The following PLCXD3 variants were observed in gnomAD, a reference collection of about 807,000 sequenced individuals.
The protein encoded by PLCXD3 is PI-PLC X domain-containing protein 3.
In PLCXD3, 19 loss-of-function variants were observed where a neutral mutation model predicts 25.5. The observed-to-expected ratio is 0.75, with a 90% CI of 0.52 to 1.09. The LOEUF (loss-of-function observed/expected upper bound fraction) is 1.09. PLCXD3 is among the 50% of genes least tolerant of loss of function. The pLI is 0.00. For missense variants in PLCXD3, 411 were observed against 388.1 expected, an observed-to-expected ratio of 1.06 and a Z score of -0.50; for synonymous variants, 174 against 137.6, an observed-to-expected ratio of 1.26 and a Z score of -1.85.
chr5:41,492,347 T>C (rs1382015804), intron 1 of PLCXD3, among the ~76,000 whole-genome samples: 1 of 152,164 alleles, frequency 6.6e-6, no homozygotes, highest in Non-Finnish European at 1.5e-5. Flanking sequence ...ACCCGACCTT[T>C]CTCTCTGGCT....
At chr5:41,386,049 G>A (rs1261184508) in intron 1 of PLCXD3, among the ~76,000 whole-genome samples, 1 of 152,096 alleles carries the variant, frequency 6.6e-6, no homozygotes, top group Admixed American at 6.6e-5. Flanking sequence ...AAATTCAGGG[G>A]TAATTGGTTA....
At chr5:41,424,552 A>T (rs184632940) in intron 1 of PLCXD3, among the ~76,000 whole-genome samples, 7 of 152,324 alleles carry the variant, frequency 4.6e-5, no homozygotes, top group Non-Finnish European at 8.8e-5. Context: ...AAAAAAAAAT[A>T]GGTTGTGAAT....
chr5:41,410,647 T>G lies in PLCXD3; in HGVS notation c.104-28113A>C, dbSNP rs74563602. Among the ~76,000 whole-genome samples the G allele has an allele frequency of 3.9e-3, 599 of 152,278 alleles. 5 individuals are homozygous for G. The highest frequency in any genetic ancestry group is 0.014 in the African/African-American group (579 of 41,548). On this transcript the variant is annotated intron_variant, in intron 1 of 2. Coordinates refer to ENST00000377801, the MANE Select transcript of PLCXD3 (RefSeq NM_001005473.3). ...AGGCCATCTGAAGGAGGCTCAAGTG[T>G]AGGGCACCTCACTTTATGGCCACCT...
chr5:41,392,766 T>G (rs1047743593), intron 1 of PLCXD3, among the ~76,000 whole-genome samples: 1 of 100,936 alleles, frequency 9.9e-6, no homozygotes, highest in Non-Finnish European at 2.4e-5. Flanking sequence ...GCCTTTCAGA[T>G]AGAAAATTCA....
intron 1 of PLCXD3, among the ~76,000 whole-genome samples, chr5:41,489,173 T>A (rs1748591428): frequency 6.6e-6 from 1 of 151,946 alleles, no homozygotes; most frequent in Non-Finnish European, 1.5e-5. Context: ...CCAGCACCAT[T>A]TATTAAATAG....
chr5:41,382,619 C>G, intron 1 of PLCXD3, 85 bp from the exon 2 acceptor site: 8 of 1,058,052 alleles, frequency 7.6e-6, no homozygotes, highest in Non-Finnish European at 1.1e-5. Flanking sequence ...ATCCATACCT[C>G]TCCCTCAAAT....
At position 41,319,324 on chromosome 5, in the gene PLCXD3, C is replaced by T. The variant is rs192267697; in HGVS notation, c.813-5554G>A. On this transcript the variant is annotated intron_variant, in intron 2 of 2. Transcript: ENST00000377801. ...TCAGGATACACATTTTTTTCCTCAG[C>T]GCATGGATCATTCTCAAGGATAGAC... Among the ~76,000 whole-genome samples, 59 of 152,180 alleles carry T rather than the reference C, an allele frequency of 3.9e-4. No individual in the cohort carries two copies. The East Asian group carries it at 7.1e-3, about 18-fold the overall frequency.
intron 1 of PLCXD3, among the ~76,000 whole-genome samples, chr5:41,448,952 C>T (rs1045555180): frequency 1.3e-5 from 2 of 152,176 alleles, no homozygotes; most frequent in African/African-American, 4.8e-5. Context: ...GACCCAAATG[C>T]TAAACATGCA....
intron 1 of PLCXD3, among the ~76,000 whole-genome samples, chr5:41,397,716 C>T (rs1159280607): frequency 6.6e-6 from 1 of 152,200 alleles, no homozygotes; most frequent in Non-Finnish European, 1.5e-5. Context: ...CTTGTGAAAG[C>T]AGCCATGGGG....
intron 2 of PLCXD3, among the ~76,000 whole-genome samples, chr5:41,333,455 G>C (rs915040380): frequency 6.6e-6 from 1 of 152,132 alleles, no homozygotes; most frequent in Admixed American, 6.6e-5. Context: ...AAAAGGCAGG[G>C]TCTTTGCATC....
At chr5:41,443,634 G>C (rs551411404) in intron 1 of PLCXD3, among the ~76,000 whole-genome samples, 2 of 152,312 alleles carry the variant, frequency 1.3e-5, no homozygotes, top group South Asian at 2.1e-4. Context: ...AAAAGAAGGA[G>C]AGACTGTGCT....
intron 2 of PLCXD3, among the ~76,000 whole-genome samples, chr5:41,378,244 TAACCA>T (rs1206045051): frequency 6.6e-6 from 1 of 152,064 alleles, no homozygotes; most frequent in African/African-American, 2.4e-5. Flanking sequence ...GTATGTCCAA[TAACCA>T]AACCAAACCA....
chr5:41,502,361 G>A (rs73081521), intron 1 of PLCXD3, among the ~76,000 whole-genome samples: 1,721 of 152,002 alleles, frequency 0.011, 29 homozygotes, highest in African/African-American at 0.039. Flanking sequence ...GTAATTAATA[G>A]GATAAAATTA....
intron 1 of PLCXD3, among the ~76,000 whole-genome samples, chr5:41,457,035 T>C (rs1409802610): frequency 6.6e-6 from 1 of 151,920 alleles, no homozygotes; most frequent in Non-Finnish European, 1.5e-5. Context: ...AAAACATACA[T>C]ACCCAACCCA....
chr5:41,335,430 T>C (rs752038981), intron 2 of PLCXD3, among the ~76,000 whole-genome samples: 1 of 152,152 alleles, frequency 6.6e-6, no homozygotes, highest in Non-Finnish European at 1.5e-5. Flanking sequence ...CATAGTCACA[T>C]GAGTTAACAA....
chr5:41,507,966 T>C (rs577730802), intron 1 of PLCXD3, among the ~76,000 whole-genome samples: 6 of 152,220 alleles, frequency 3.9e-5, no homozygotes, highest in Non-Finnish European at 7.3e-5. Context: ...TGCTGAGTAA[T>C]GCAAAAAGGT....
intron 2 of PLCXD3, among the ~76,000 whole-genome samples, chr5:41,366,909 C>A (rs563157631): frequency 6.6e-6 from 1 of 152,278 alleles, no homozygotes; most frequent in African/African-American, 2.4e-5. Flanking sequence ...TCTGTCCATG[C>A]GTTTATTTGC....
intron 2 of PLCXD3, among the ~76,000 whole-genome samples, chr5:41,363,288 A>T (rs1350232514): frequency 2.0e-5 from 3 of 152,206 alleles, no homozygotes; most frequent in Non-Finnish European, 4.4e-5. Context: ...GCTATGTCCT[A>T]ATCATTTTAA....
At chr5:41,393,609 C>T (rs1292740776) in intron 1 of PLCXD3, among the ~76,000 whole-genome samples, 13 of 152,028 alleles carry the variant, frequency 8.6e-5, no homozygotes, top group Non-Finnish European at 1.9e-4. Context: ...AGCAATAAAT[C>T]ATCACCTGAA....
Sources: gnomAD v4.1 joint callset for allele counts (sites outside exome capture counted in the v4.1 genomes callset) on GRCh38, gnomAD v4.1.1 for gene constraint, MANE v1.5 for transcripts, NCBI Gene and HGNC (gene_info 2026-07-23, HGNC 2026-07-21) for gene names.